Variants in PCDH1 observed in about 807,000 individuals in gnomAD.
PCDH1 encodes the protein protocadherin 1.
Under a neutral mutation model 74.6 loss-of-function variants are expected in PCDH1, and 23 were observed. The observed-to-expected ratio is 0.31, with a 90% CI of 0.22 to 0.44. PCDH1 has a LOEUF of 0.44. Ranked by LOEUF, PCDH1 falls within the 20% of genes least tolerant of loss-of-function variation. The pLI is 1.00. For missense variants in PCDH1, 1,214 were observed against 1,641.4 expected, an observed-to-expected ratio of 0.74 and a Z score of 4.50; for synonymous variants, 647 against 686.1, an observed-to-expected ratio of 0.94 and a Z score of 0.89.
intron 3 of PCDH1, chr5:141,862,919 G>C (rs758589483): frequency 1.4e-5 from 17 of 1,226,074 alleles, no homozygotes; most frequent in Non-Finnish European, 1.6e-5. Context: ...ACGCTCACCT[G>C]CCTACCACCC....
chr5:141,854,257 C>T lies in PCDH1; in HGVS notation c.3499G>A (p.Ala1167Thr). ...PYQDRGGQEP[A>T]GAGSPSPPED... Reference sequence around the variant, plus strand: ...GGGGGGCTGGGGCTGCCGGCGCCCGCAGGCTCCTGCCCTCCTCGGTCCTGG... The same window carrying T: ...GGGGGGCTGGGGCTGCCGGCGCCCGTAGGCTCCTGCCCTCCTCGGTCCTGG... Residue 1167 changes from alanine to threonine, a missense_variant, in exon 5 of 5, where the codon GCG becomes ACG. Physicochemically the swap from Ala to Thr is moderately conservative, Grantham distance 58. Around this residue, in one of 4 missense-constraint regions of PCDH1, gnomAD observed 194 missense variants for 198.3 expected, o/e 0.98. Coordinates refer to ENST00000287008, the MANE Select transcript of PCDH1 (RefSeq NM_032420.5). The T allele has an allele frequency of 6.2e-7, 1 of 1,612,544 alleles. No individual in the cohort carries two copies. Among genetic ancestry groups the T allele is most frequent in the East Asian group, 2.2e-5 (1 of 44,828 alleles).
chr5:141,866,749 A>G (rs754285610), intron 2 of PCDH1, among the ~76,000 whole-genome samples: 2 of 152,202 alleles, frequency 1.3e-5, no homozygotes, highest in Non-Finnish European at 2.9e-5. Flanking sequence ...AAATGGGATA[A>G]TACAGGTAAA....
chr5:141,855,440 C>T (rs150238388), intron 4 of PCDH1, among the ~76,000 whole-genome samples: 59 of 152,208 alleles, frequency 3.9e-4, no homozygotes, highest in African/African-American at 1.4e-3. Context: ...GTTGAGGAAA[C>T]CTCCATCCTC....
In PCDH1 at chr5:141,868,458, A is replaced by G; in HGVS notation, c.903+111T>C. The G allele has an allele frequency of 1.3e-6, 2 of 1,483,408 alleles. No homozygotes were observed. The highest frequency in any genetic ancestry group is 1.8e-6 in the Non-Finnish European group (2 of 1,120,636). The allele number at this position is 1,483,408 out of a possible 1,614,324, so 91.9% of individuals were successfully genotyped here. A position where few individuals can be genotyped will look rare whatever the true frequency, so the allele number is the denominator to read the frequency against. On this transcript the variant is annotated intron_variant, in intron 2 of 4. Coordinates refer to ENST00000287008, the MANE Select transcript of PCDH1 (RefSeq NM_032420.5). The surrounding 1 kb of genome is among the most constrained non-coding windows in gnomAD (Gnocchi z 4.8). ...GAGTTTGGGGAGAAGGGGTCTCACT[A>G]CAGTATTCTGGCAGTTTTTCCCCTA...
chr5:141,872,121 A>ACC (rs1196032159), intron 1 of PCDH1, among the ~76,000 whole-genome samples: 89 of 88,876 alleles, frequency 1.0e-3, no homozygotes, highest in African/African-American at 3.5e-3. Context: ...ATTTGGATCC[A>ACC]CCCCCCACCC....
rs1191221122 is a variant in PCDH1, at chr5:141,862,793, C to G, written c.3099+439G>C. On this transcript the variant is annotated intron_variant, in intron 3 of 4. Transcript: ENST00000287008. ...GCCCTCCCCTGGCAGACTCCCCACT[C>G]AGTTATCCACAGGACCCCAGGTCTC... 4.8e-6 allele frequency: 5 copies of G among 1,039,756 alleles called. No homozygotes were observed. In the African/African-American group the frequency reaches 8.4e-5, roughly 18 times the overall value. The allele number at this position is 1,039,756 out of a possible 1,614,324, so 64.4% of individuals were successfully genotyped here.
In PCDH1 at chr5:141,854,190, G is replaced by A; in HGVS notation, c.3566C>T (p.Pro1189Leu). 8.1e-6 allele frequency: 13 copies of A among 1,609,984 alleles called. No individual in the cohort carries two copies. The highest frequency in any genetic ancestry group is 1.1e-5 in the Non-Finnish European group (13 of 1,177,302). Residue 1189 changes from proline to leucine, a missense_variant, in exon 5 of 5, where the codon CCC becomes CTC. Transcript: ENST00000287008. ...NTKTAPVRLL[P>L]SYSAFSHSSH... ...ACTGTGGGAGAAGGCACTGTAGGAG[G>A]GCAGGAGGCGCACGGGGGCCGTTTT...
rs188332440 is a variant in PCDH1 at position 141,855,159 on chromosome 5, A to C, written c.3320-723T>G. On this transcript the variant is annotated intron_variant, in intron 4 of 4. Coordinates refer to ENST00000287008, the MANE Select transcript of PCDH1 (RefSeq NM_032420.5). ...GCTAATTTTTTATATTTTTTTGTAG[A>C]GATGGGGTTTAAGCCATGTTGCCCA... is the stretch of plus-strand genomic sequence containing the variant. Among the ~76,000 whole-genome samples the C allele has an allele frequency of 2.1e-3, 315 of 150,870 alleles. 3 individuals are homozygous for C. Among genetic ancestry groups the C allele is most frequent in the Non-Finnish European group, 5.5e-4 (37 of 67,754 alleles).
intron 4 of PCDH1, among the ~76,000 whole-genome samples, chr5:141,856,485 C>G (rs1274039343): frequency 6.6e-6 from 1 of 152,070 alleles, no homozygotes; most frequent in Non-Finnish European, 1.5e-5. Flanking sequence ...ACAACTCCAA[C>G]TTAGAGAGTC....
At chr5:141,872,047 C>T (rs952262073) in intron 1 of PCDH1, among the ~76,000 whole-genome samples, 10 of 152,036 alleles carry the variant, frequency 6.6e-5, no homozygotes, top group Non-Finnish European at 1.0e-4. Flanking sequence ...AAAGTGTGTG[C>T]GGCGTTATCA....
chr5:141,863,527 T>C lies in PCDH1; in HGVS notation c.2804A>G (p.Lys935Arg), dbSNP rs919883741. 1 of 1,613,890 alleles carries C rather than the reference T, an allele frequency of 6.2e-7. No homozygotes were observed. Among genetic ancestry groups the C allele is most frequent in the Non-Finnish European group, 8.5e-7 (1 of 1,179,876 alleles). ...GCTCATCAGGTTGAACTTGAGGGAC[T>C]TCTGCAGCCCGGCCTCATCCTCGTC... The part of the protein sequence containing the change: ...VEDEDEAGLQ[K>R]SLKFNLMSDA... Residue 935 changes from lysine (K) to arginine (R), a missense_variant, in exon 3 of 5, where the codon AAG becomes AGG. Physicochemically the swap from Lys to Arg is conservative, Grantham distance 26. Coordinates refer to ENST00000287008, the MANE Select transcript of PCDH1 (RefSeq NM_032420.5). This position sits in a 1 kb window ranked among gnomAD's most constrained non-coding sequence, Gnocchi z 7.5.
chr5:141,857,196 C>T (rs1208013919), intron 4 of PCDH1, 56 bp downstream of exon 4: 1 of 1,401,616 alleles, frequency 7.1e-7, no homozygotes, highest in Non-Finnish European at 9.6e-7. Context: ...GCCTTGTCAC[C>T]ATTCCCAGGC....
rs1471934289 is a variant in PCDH1 at position 141,863,448 on chromosome 5, G to A, written c.2883C>T (p.Gly961=). Reference sequence around the variant, plus strand: ...GATAGTGGCGGCCCAGGTCAGGGCTGCCTGGTGGGTAGTTGAGGGGCAGGT... The same window carrying A: ...GATAGTGGCGGCCCAGGTCAGGGCTACCTGGTGGGTAGTTGAGGGGCAGGT... The part of the protein sequence containing the change: ...RIHLPLNYPP[G]SPDLGRHYRS... Residue 961 remains glycine, a synonymous_variant, in exon 3 of 5, where the codon GGC becomes GGT. Transcript: ENST00000287008. The surrounding 1 kb of genome is among the most constrained non-coding windows in gnomAD (Gnocchi z 7.5). 2 of 1,572,416 alleles carry A rather than the reference G, an allele frequency of 1.3e-6. No homozygotes were observed. Among genetic ancestry groups the A allele is most frequent in the Non-Finnish European group, 1.7e-6 (2 of 1,158,262 alleles).
chr5:141,853,321 GT>G lies in PCDH1; in HGVS notation c.*720del, dbSNP rs1203297798. The G allele has an allele frequency of 1.0e-4, 16 of 152,544 alleles. No individual in the cohort carries two copies. Among genetic ancestry groups the G allele is most frequent in the Admixed American group, 1.0e-3 (16 of 15,288 alleles). 9.4% of individuals were successfully genotyped at this position (152,544 alleles called of 1,614,324 possible). On this transcript the variant is annotated 3_prime_UTR_variant, in exon 5 of 5. Coordinates refer to ENST00000287008, the MANE Select transcript of PCDH1 (RefSeq NM_032420.5). ...ACAGGGCAGGTCCCCCCCCAGAGGG[GT>G]CCCCCAAGACAACACGACATCAACA...
rs1006199877 is a variant in PCDH1 at position 141,865,944 on chromosome 5, T to C, written c.904-517A>G. 1.7e-5 allele frequency: 10 copies of C among 597,338 alleles called. No individual in the cohort carries two copies. In the African/African-American group the frequency reaches 1.8e-4, roughly 11 times the overall value. 37.0% of individuals were successfully genotyped at this position (597,338 alleles called of 1,614,324 possible). A position where few individuals can be genotyped will look rare whatever the true frequency, so the allele number is the denominator to read the frequency against. The stretch of plus-strand genomic sequence containing the variant: ...AATGTGTGATTAAATGTGATATGTT[T>C]GTGTGAGAAGGTATATGTGTTTGTA... On this transcript the variant is annotated intron_variant, in intron 2 of 4. Transcript: ENST00000287008. This position sits in a 1 kb window ranked among gnomAD's most constrained non-coding sequence, Gnocchi z 4.4.
chr5:141,856,588 G>A (rs930989604), intron 4 of PCDH1, among the ~76,000 whole-genome samples: 5 of 152,026 alleles, frequency 3.3e-5, no homozygotes, highest in East Asian at 1.9e-4. Flanking sequence ...ACACACTGAC[G>A]GCACACCTCA....
chr5:141,862,902 C>T (rs1752621222), intron 3 of PCDH1: 1 of 1,212,828 alleles, frequency 8.2e-7, no homozygotes, highest in South Asian at 4.3e-5. Flanking sequence ...CATTTCCCTC[C>T]CCACTTACGC....
intron 2 of PCDH1, among the ~76,000 whole-genome samples, chr5:141,866,353 C>T (rs1366708643): frequency 6.6e-6 from 1 of 152,260 alleles, no homozygotes; most frequent in Non-Finnish European, 1.5e-5. Context: ...CTGTCTGTCC[C>T]TCTGCAGTCA....
chr5:141,873,293 ATTTT>A (rs548141067), intron 1 of PCDH1, among the ~76,000 whole-genome samples: 2 of 123,528 alleles, frequency 1.6e-5, no homozygotes, highest in African/African-American at 3.0e-5. Context: ...GCCCGGCTAA[ATTTT>A]TTTTTTTTTT....
Sources: gnomAD v4.1 joint callset for allele counts (sites outside exome capture counted in the v4.1 genomes callset) on GRCh38, gnomAD v4.1.1 for gene constraint, gnomAD v4.1.1 regional missense constraint, Gnocchi (gnomAD v3.1) non-coding constraint, MANE v1.5 for transcripts, NCBI Gene and HGNC (gene_info 2026-07-23, HGNC 2026-07-21) for gene names.